DOCK4: variants seen among roughly 807,000 people sequenced by gnomAD.
DOCK4 encodes dedicator of cytokinesis protein 4.
In DOCK4, 97 loss-of-function variants were observed where a neutral mutation model predicts 268.1. That is an observed-to-expected ratio of 0.36 (90% CI 0.31 to 0.43). DOCK4 has a LOEUF of 0.43. Among genes scored for constraint, DOCK4 ranks in the 20% least tolerant of loss-of-function variants. The pLI is 1.00. For synonymous variants in DOCK4, 954 were observed against 887.2 expected (o/e 1.08, Z -1.34); for missense variants, 2,145 against 2,455.7 (o/e 0.87, Z 2.67).
chr7:111,842,223 C>T (rs1803756429), intron 25 of DOCK4, among the ~76,000 whole-genome samples: 9 of 152,148 alleles, frequency 5.9e-5, no homozygotes, highest in Admixed American at 5.9e-4. Context: ...TGGCCAAGAA[C>T]CTCCTTGGGA....
At chr7:111,881,248 G>A (rs1013108941) in intron 16 of DOCK4, among the ~76,000 whole-genome samples, 7 of 152,126 alleles carry the variant, frequency 4.6e-5, no homozygotes, top group Non-Finnish European at 8.8e-5. Flanking sequence ...TAATCCGATT[G>A]AGAAATGGAC....
intron 1 of DOCK4, among the ~76,000 whole-genome samples, chr7:112,109,889 C>T (rs1478242343): frequency 1.3e-5 from 2 of 150,452 alleles, no homozygotes; most frequent in Non-Finnish European, 2.9e-5. Context: ...GGACTACAGG[C>T]GCCCGCCATC....
intron 39 of DOCK4, among the ~76,000 whole-genome samples, chr7:111,761,156 T>C (rs1206273605): frequency 6.6e-6 from 1 of 151,516 alleles, no homozygotes; most frequent in East Asian, 2.0e-4. Context: ...CGTCTCCCAC[T>C]TCAAGCAATT....
intron 1 of DOCK4, among the ~76,000 whole-genome samples, chr7:112,082,080 T>C (rs1252350678): frequency 1.3e-5 from 2 of 152,130 alleles, no homozygotes; most frequent in African/African-American, 4.8e-5. Flanking sequence ...ATTATACATG[T>C]AGAGTTCTTA....
rs557833024 is a variant in DOCK4, at chr7:111,729,034, C to G, written c.5482-314G>C. Among the ~76,000 whole-genome samples the G allele has an allele frequency of 2.0e-5, 3 of 152,248 alleles. No individual in the cohort carries two copies. The East Asian group carries it at 5.8e-4, about 30-fold the overall frequency. On this transcript the variant is annotated intron_variant, in intron 52 of 52. Transcript: ENST00000428084. The stretch of plus-strand genomic sequence containing the variant: ...GGCCTCGGGGAAACCAAGGCTGCCA[C>G]GCATTGATCCTGGACTTCTACCTGC...
chr7:111,999,923 C>T (rs1328018119), intron 3 of DOCK4, among the ~76,000 whole-genome samples: 1 of 151,840 alleles, frequency 6.6e-6, no homozygotes, highest in Admixed American at 6.6e-5. Flanking sequence ...AAAGATAAAA[C>T]AAAAATGACA....
At chr7:111,971,713 G>T (rs1182849783) in intron 8 of DOCK4, 1 of 312,496 alleles carries the variant, frequency 3.2e-6, no homozygotes, top group South Asian at 4.9e-5. Flanking sequence ...TGTACTTGTG[G>T]GCCAGCTTAT....
At chr7:112,181,782 G>T (rs775233766) in intron 1 of DOCK4, among the ~76,000 whole-genome samples, 16 of 152,090 alleles carry the variant, frequency 1.1e-4, no homozygotes, top group Non-Finnish European at 1.9e-4. Flanking sequence ...GATTGAAATG[G>T]ATTGAACGGT....
At chr7:112,021,469 T>C (rs1465291362) in intron 1 of DOCK4, among the ~76,000 whole-genome samples, 2 of 151,736 alleles carry the variant, frequency 1.3e-5, no homozygotes, top group Non-Finnish European at 2.9e-5. Flanking sequence ...ATTTCATCCA[T>C]AGCTCTACAC....
At chr7:111,981,419 T>G (rs1341824623) in intron 7 of DOCK4, among the ~76,000 whole-genome samples, 4 of 152,206 alleles carry the variant, frequency 2.6e-5, no homozygotes, top group Non-Finnish European at 5.9e-5. Flanking sequence ...GAAGCTGGGC[T>G]TAATACCTGG....
chr7:112,050,799 A>G (rs897934033), intron 1 of DOCK4, among the ~76,000 whole-genome samples: 2 of 152,182 alleles, frequency 1.3e-5, no homozygotes, highest in Admixed American at 6.5e-5. Flanking sequence ...GAAAGTCTGC[A>G]TAAGTTTTCA....
At chr7:112,170,268 T>C (rs1187414534) in intron 1 of DOCK4, among the ~76,000 whole-genome samples, 1 of 151,836 alleles carries the variant, frequency 6.6e-6, no homozygotes, top group Admixed American at 6.6e-5. Context: ...CTGGGCAATA[T>C]GGTAAGACCT....
chr7:111,893,790 G>C (rs1277426793), intron 16 of DOCK4, among the ~76,000 whole-genome samples: 1 of 152,216 alleles, frequency 6.6e-6, no homozygotes, highest in Non-Finnish European at 1.5e-5. Flanking sequence ...GGATTTGGCT[G>C]TTTTGTTTGC....
chr7:111,840,883 G>A (rs759416275), intron 25 of DOCK4: 150 of 1,328,488 alleles, frequency 1.1e-4, no homozygotes, highest in Middle Eastern at 2.1e-4. Context: ...GTGAGAAAAT[G>A]ATAAAGAAAT....
intron 44 of DOCK4, among the ~76,000 whole-genome samples, chr7:111,743,264 C>A (rs1277893291): frequency 6.6e-6 from 1 of 152,152 alleles, no homozygotes; most frequent in Admixed American, 6.5e-5. Flanking sequence ...GAAAACGAAT[C>A]CTATATCACC....
chr7:112,096,014 G>A (rs771091607), intron 1 of DOCK4, among the ~76,000 whole-genome samples: 12 of 152,198 alleles, frequency 7.9e-5, no homozygotes, highest in South Asian at 2.1e-4. Flanking sequence ...ACTTGAACCC[G>A]GGAAGCAGAG....
chr7:111,801,928 C>G (rs1256142805), intron 30 of DOCK4, among the ~76,000 whole-genome samples: 1 of 150,676 alleles, frequency 6.6e-6, no homozygotes, highest in Non-Finnish European at 1.5e-5. Context: ...GTCTTAACCT[C>G]CTGACCTCAT....
At chr7:111,892,179 A>C (rs1808337856) in intron 16 of DOCK4, among the ~76,000 whole-genome samples, 2 of 152,174 alleles carry the variant, frequency 1.3e-5, no homozygotes, top group Non-Finnish European at 2.9e-5. Context: ...CGTATTTTTA[A>C]GGCTCGTACA....
chr7:112,107,450 G>A (rs897523005), intron 1 of DOCK4, among the ~76,000 whole-genome samples: 2 of 152,198 alleles, frequency 1.3e-5, no homozygotes, highest in Admixed American at 1.3e-4. Flanking sequence ...GCAGCTGTCT[G>A]CAAGACAAAA....
Sources: gnomAD v4.1 joint callset for allele counts (sites outside exome capture counted in the v4.1 genomes callset) on GRCh38, gnomAD v4.1.1 for gene constraint, MANE v1.5 for transcripts, NCBI Gene and HGNC (gene_info 2026-07-23, HGNC 2026-07-21) for gene names.